The following CCNY variants were observed in gnomAD, a reference collection of about 807,000 sequenced individuals.
CCNY encodes the protein cyclin Y, also known as cyclin-Y.
Under a neutral mutation model 42.8 loss-of-function variants are expected in CCNY, and 19 were observed. The observed-to-expected ratio is 0.44, with a 90% CI of 0.31 to 0.65. CCNY has a LOEUF of 0.65. Ranked by LOEUF, CCNY falls within the 30% of genes least tolerant of loss-of-function variation. The pLI is 0.07. For synonymous variants in CCNY, 165 were observed against 162.7 expected, an observed-to-expected ratio of 1.01 and a Z score of -0.11; for missense variants, 370 against 437.3, an observed-to-expected ratio of 0.85 and a Z score of 1.37.
chr10:35,470,032 G>A (rs543927471), intron 1 of CCNY, among the ~76,000 whole-genome samples: 4 of 144,272 alleles, frequency 2.8e-5, no homozygotes, highest in Middle Eastern at 4.0e-3. Flanking sequence ...AGATAGGGCA[G>A]TGGAGAGACA....
intron 1 of CCNY, among the ~76,000 whole-genome samples, chr10:35,354,780 CTA>C (rs1461075417): frequency 6.6e-6 from 1 of 152,146 alleles, no homozygotes; most frequent in Non-Finnish European, 1.5e-5. Flanking sequence ...AGGAGCATAA[CTA>C]AGTCTCATGA....
At chr10:35,302,025 G>A (rs543056987) in intron 3 of CCNY, among the ~76,000 whole-genome samples, 2 of 151,740 alleles carry the variant, frequency 1.3e-5, no homozygotes, top group East Asian at 1.9e-4. Flanking sequence ...GTGCAATGGC[G>A]TGATCTCGGC....
chr10:35,544,089 T>C (rs111876672), intron 7 of CCNY, among the ~76,000 whole-genome samples: 1,584 of 152,350 alleles, frequency 0.01, 24 homozygotes, highest in African/African-American at 0.036. Context: ...AAGCTAAGTT[T>C]AATTTATTAT....
rs545396845 is a variant in CCNY, at chr10:35,530,450, C to T, written c.579+207C>T. On this transcript the variant is annotated intron_variant, in intron 7 of 9. Transcript: ENST00000374704. The surrounding 1 kb of genome is among the most constrained non-coding windows in gnomAD (Gnocchi z 4.3). Reference sequence around the variant, plus strand: ...ATTGTGAAGATTGTTCTGTAGCCCCCACCTAAAGTCATTTGTGAAATCACG... The same window carrying T: ...ATTGTGAAGATTGTTCTGTAGCCCCTACCTAAAGTCATTTGTGAAATCACG... Among the ~76,000 whole-genome samples, 1 of 152,196 alleles carries T rather than the reference C, an allele frequency of 6.6e-6. No homozygotes were observed. Among genetic ancestry groups the T allele is most frequent in the Non-Finnish European group, 1.5e-5 (1 of 68,040 alleles).
chr10:35,454,475 G>T (rs1838987403), intron 1 of CCNY, among the ~76,000 whole-genome samples: 1 of 152,236 alleles, frequency 6.6e-6, no homozygotes, highest in South Asian at 2.1e-4. Flanking sequence ...TTTGCACTCT[G>T]ACATTTGCCC....
Position 35,348,663 on chromosome 10 carries a change from C to T in CCNY, c.154+11456C>T, listed in dbSNP as rs538107995. 7.9e-5 allele frequency among the ~76,000 whole-genome samples: 12 copies of T among 152,302 alleles called. No individual in the cohort carries two copies. The South Asian group carries it at 1.2e-3, about 16-fold the overall frequency. On this transcript the variant is annotated intron_variant, in intron 1 of 9. Coordinates refer to ENST00000374704, the MANE Select transcript of CCNY (RefSeq NM_145012.6). Reference sequence around the variant, plus strand: ...GCAAGATAGCAGGGCTCTGAAAGCCCGGCAGGGCCCTGAGAGGTCAGCAGC... The same window carrying T: ...GCAAGATAGCAGGGCTCTGAAAGCCTGGCAGGGCCCTGAGAGGTCAGCAGC...
chr10:35,346,386 G>T (rs1309442661), intron 1 of CCNY, among the ~76,000 whole-genome samples: 2 of 152,164 alleles, frequency 1.3e-5, no homozygotes, highest in African/African-American at 4.8e-5. Context: ...TTGGAAAGAA[G>T]GGTGTGCTAA....
At chr10:35,247,410 C>A (rs923242458) in intron 1 of CCNY, among the ~76,000 whole-genome samples, 3 of 151,266 alleles carry the variant, frequency 2.0e-5, no homozygotes, top group Non-Finnish European at 4.4e-5. Flanking sequence ...CATAGTGAGA[C>A]CCTGTGTCTA....
Position 35,530,266 on chromosome 10 carries a change from C to A in CCNY, c.579+23C>A, listed in dbSNP as rs1589185504. 1.2e-6 allele frequency: 2 copies of A among 1,613,738 alleles called. No homozygotes were observed. The highest frequency in any genetic ancestry group is 2.7e-5 in the African/African-American group (2 of 74,944). ...CTGGTGAGTGCCCTCAGGATGGCCA[C>A]ACCCATCCCCAGCCGAGGTGGTCCA... On this transcript the variant is annotated intron_variant, in intron 7 of 9. Coordinates refer to ENST00000374704, the MANE Select transcript of CCNY (RefSeq NM_145012.6). The surrounding 1 kb of genome is among the most constrained non-coding windows in gnomAD (Gnocchi z 4.3).
chr10:35,407,639 T>C (rs1837809298), intron 1 of CCNY, among the ~76,000 whole-genome samples: 2 of 152,040 alleles, frequency 1.3e-5, no homozygotes, highest in African/African-American at 4.8e-5. Flanking sequence ...CAGAAGAAAA[T>C]AAGACGCTTA....
intron 1 of CCNY, among the ~76,000 whole-genome samples, chr10:35,389,893 T>A (rs765054718): frequency 6.6e-5 from 10 of 151,580 alleles, no homozygotes; most frequent in Non-Finnish European, 1.2e-4. Flanking sequence ...AAAGGCATCG[T>A]CTGATATTGG....
intron 3 of CCNY, among the ~76,000 whole-genome samples, chr10:35,283,049 G>T (rs1046162562): frequency 3.3e-5 from 5 of 152,102 alleles, no homozygotes; most frequent in Non-Finnish European, 7.4e-5. Flanking sequence ...GATCATTGAG[G>T]GTACAGTTCT....
chr10:35,402,883 G>A (rs1342855356), intron 1 of CCNY, among the ~76,000 whole-genome samples: 3 of 152,088 alleles, frequency 2.0e-5, no homozygotes, highest in African/African-American at 4.8e-5. Context: ...ACTAGTAAAG[G>A]CCCGTCCGTT....
chr10:35,545,209 C>T (rs758377528), intron 7 of CCNY, among the ~76,000 whole-genome samples: 26 of 152,194 alleles, frequency 1.7e-4, no homozygotes, highest in Non-Finnish European at 2.9e-4. Flanking sequence ...GAGCTACTCC[C>T]GGACTGTGGA....
At chr10:35,396,498 C>T (rs1589088976) in intron 1 of CCNY, among the ~76,000 whole-genome samples, 1 of 152,224 alleles carries the variant, frequency 6.6e-6, no homozygotes, top group African/African-American at 2.4e-5. Context: ...GTTATGCTGC[C>T]TCTCTGGTAC....
At position 35,250,126 on chromosome 10, in the gene CCNY, A is replaced by G. The variant is rs565180071; in HGVS notation, c.-113-396A>G. Among the ~76,000 whole-genome samples, 6 of 150,992 alleles carry G rather than the reference A, an allele frequency of 4.0e-5. No homozygotes were observed. The South Asian group carries it at 8.4e-4, about 21-fold the overall frequency. ...GGAGAGTGGCGTGAACCCGGGAGGCAGAGCTTGCAGTGAGCTAAGATCGTG... is the reference window on the plus strand; with the variant it reads ...GGAGAGTGGCGTGAACCCGGGAGGCGGAGCTTGCAGTGAGCTAAGATCGTG... On this transcript the variant is annotated intron_variant, in intron 2 of 11. Transcript: ENST00000374706.
At chr10:35,505,155 A>G (rs1202802046) in intron 3 of CCNY, among the ~76,000 whole-genome samples, 3 of 152,026 alleles carry the variant, frequency 2.0e-5, no homozygotes, top group Non-Finnish European at 2.9e-5. Context: ...CTCCTGAAAA[A>G]AAAAAATCAC....
rs570409446 is a variant in CCNY, at chr10:35,406,575, G to A, written c.154+69368G>A. Among the ~76,000 whole-genome samples the A allele has an allele frequency of 2.8e-4, 42 of 152,264 alleles. No individual in the cohort carries two copies. The South Asian group carries it at 8.5e-3, about 31-fold the overall frequency. On this transcript the variant is annotated intron_variant, in intron 1 of 9. Transcript: ENST00000374704. The stretch of plus-strand genomic sequence containing the variant: ...GGTCACAGATCAACAGGATCCCAAG[G>A]CAGAAGAACTTTTCTTAGTACAGAA...
At chr10:35,544,843 T>C (rs558651194) in intron 7 of CCNY, among the ~76,000 whole-genome samples, 1 of 152,368 alleles carries the variant, frequency 6.6e-6, no homozygotes, top group South Asian at 2.1e-4. Flanking sequence ...CATGGCAGTC[T>C]CAGGCTTGCT....
Sources: allele counts gnomAD v4.1 joint callset (sites outside exome capture counted in the v4.1 genomes callset), GRCh38; gene constraint gnomAD v4.1.1; non-coding constraint Gnocchi (gnomAD v3.1); transcripts MANE v1.5; gene names NCBI Gene and HGNC (gene_info 2026-07-23, HGNC 2026-07-21).